ERCC4: variants seen among roughly 807,000 people sequenced by gnomAD.
The protein encoded by ERCC4 is ERCC excision repair 4, endonuclease catalytic subunit.
In ERCC4, 65 loss-of-function variants were observed where a neutral mutation model predicts 76.9. That is an observed-to-expected ratio of 0.84 (90% CI 0.69 to 1.04). The LOEUF (loss-of-function observed/expected upper bound fraction) is 1.04. ERCC4 is among the 50% of genes least tolerant of loss of function. The pLI is 0.00. For synonymous variants in ERCC4, 463 were observed against 410.1 expected, an observed-to-expected ratio of 1.13 and a Z score of -1.56; for missense variants, 1,214 against 1,128.2, an observed-to-expected ratio of 1.08 and a Z score of -1.09.
At position 13,920,233 on chromosome 16, in the gene ERCC4, T is replaced by G. The variant is rs1291749487; in HGVS notation, c.68T>G (p.Val23Gly). 1.2e-6 allele frequency: 2 copies of G among 1,607,818 alleles called. No individual in the cohort carries two copies. The highest frequency in any genetic ancestry group is 2.2e-5 in the South Asian group (2 of 91,080). ...APLLEYERQL[V>G]LELLDTDGLV... ...CTGCTGGAGTACGAGCGACAGCTGG[T>G]GCTGGAACTGCTCGACACTGACGGG... is the stretch of plus-strand genomic sequence containing the variant. The change falls in exon 1 of 11, where the codon GTG becomes GGG. Residue 23 changes from valine (V) to glycine (G), a missense_variant. By Grantham distance (109) the Val-to-Gly change is moderately radical. Transcript: ENST00000311895.
chr16:13,920,393 G>C (rs767064048), intron 1 of ERCC4, 21 bp downstream of exon 1: 1 of 1,544,040 alleles, frequency 6.5e-7, no homozygotes, highest in Non-Finnish European at 8.7e-7. Flanking sequence ...GCTGGCGCGG[G>C]AGTGAGGGGA....
At chr16:13,925,724 G>C (rs3136085) in intron 2 of ERCC4, among the ~76,000 whole-genome samples, 40,362 of 151,938 alleles carry the variant, frequency 0.27, 5,473 homozygotes, top group Middle Eastern at 0.35. Flanking sequence ...AGGTCTAAAA[G>C]ACAGACTCGT....
chr16:13,942,711 G>C (rs915683730), intron 9 of ERCC4, among the ~76,000 whole-genome samples: 5 of 152,192 alleles, frequency 3.3e-5, no homozygotes, highest in African/African-American at 1.2e-4. Context: ...ACACACTTTG[G>C]AACCGGAATC....
chr16:13,930,532 C>A, intron 4 of ERCC4, 178 bp from the exon 5 acceptor site: 1 of 584,040 alleles, frequency 1.7e-6, no homozygotes, highest in Non-Finnish European at 3.0e-6. Flanking sequence ...AATGTTCTAG[C>A]CACTTCCTTG....
chr16:13,946,284 A>G (rs886270990), intron 10 of ERCC4, among the ~76,000 whole-genome samples: 5 of 152,210 alleles, frequency 3.3e-5, no homozygotes, highest in African/African-American at 1.2e-4. Context: ...TCATTACATG[A>G]ACATCACAGA....
At chr16:13,937,690 T>C (rs981103554) in intron 8 of ERCC4, 76 bp from the exon 9 acceptor site, 11 of 905,268 alleles carry the variant, frequency 1.2e-5, no homozygotes, top group Non-Finnish European at 2.1e-5. Flanking sequence ...GGTTGCTGAT[T>C]TCACATGTTC....
chr16:13,930,854 C>T lies in ERCC4; in HGVS notation c.937C>T (p.Leu313=). The T allele has an allele frequency of 6.2e-7, 1 of 1,613,610 alleles. No individual in the cohort carries two copies. Among genetic ancestry groups the T allele is most frequent in the South Asian group, 1.1e-5 (1 of 91,076 alleles). Residue 313 remains leucine, a synonymous_variant, in exon 5 of 11, where the codon CTG becomes TTG. Transcript: ENST00000311895. ...CACATTTCTTAATCTTCTGGAATCTCTGAGAGCAACGGAAAAAGCTTTTGG... is the reference window on the plus strand; with the variant it reads ...CACATTTCTTAATCTTCTGGAATCTTTGAGAGCAACGGAAAAAGCTTTTGG... ...CVTFLNLLES[L]RATEKAFGQN...
In ERCC4 at chr16:13,922,040, A is replaced by G. The variant is rs141591400; in HGVS notation, c.217A>G (p.Ile73Val). The stretch of plus-strand genomic sequence containing the variant: ...GTTTGATTTGATTTAGGAGTATTTT[A>G]TCAATCAGCTGAAGATAGAAGGAGT... ...NTQPAEEEYF[I>V]NQLKIEGVEH... Residue 73 changes from isoleucine (I) to valine (V), a missense_variant, in exon 2 of 11, where the codon ATC (isoleucine) becomes GTC (valine). Transcript: ENST00000311895. 513 of 1,613,224 alleles carry G rather than the reference A, an allele frequency of 3.2e-4. No homozygotes were observed. Among genetic ancestry groups the G allele is most frequent in the Non-Finnish European group, 3.8e-4 (453 of 1,179,196 alleles).
In ERCC4 at chr16:13,948,365, C is replaced by T. The variant is rs2032567029; in HGVS notation, c.*18C>T. ...AAAAGTGAACAGTGATGGCTGTTTT[C>T]TTATCCCATGCCTGTACTTTTCAGC... On this transcript the variant is annotated 3_prime_UTR_variant, in exon 11 of 11. Transcript: ENST00000311895. 1 of 1,605,306 alleles carries T rather than the reference C, an allele frequency of 6.2e-7. No homozygotes were observed. The highest frequency in any genetic ancestry group is 8.5e-7 in the Non-Finnish European group (1 of 1,179,850).
At position 13,948,947 on chromosome 16, in the gene ERCC4, A is replaced by G. The variant is rs1233343527; in HGVS notation, c.*600A>G. On this transcript the variant is annotated 3_prime_UTR_variant, in exon 11 of 11. Coordinates refer to ENST00000311895, the MANE Select transcript of ERCC4 (RefSeq NM_005236.3). Reference sequence around the variant, plus strand: ...CACTGAGAAGAAACATCTCTTTGCCATTCCTGACCAGTTCTCTCTACCACA... The same window carrying G: ...CACTGAGAAGAAACATCTCTTTGCCGTTCCTGACCAGTTCTCTCTACCACA... 1 of 232,646 alleles carries G rather than the reference A, an allele frequency of 4.3e-6. No homozygotes were observed. The highest frequency in any genetic ancestry group is 8.5e-6 in the Non-Finnish European group (1 of 117,696). 14.4% of individuals were successfully genotyped at this position (232,646 alleles called of 1,614,324 possible). A position where few individuals can be genotyped will look rare whatever the true frequency, so the allele number is the denominator to read the frequency against.
chr16:13,930,235 G>A (rs765368204), intron 4 of ERCC4, among the ~76,000 whole-genome samples: 7 of 151,952 alleles, frequency 4.6e-5, no homozygotes, highest in East Asian at 1.9e-4. Context: ...GTAAGCCATC[G>A]TGCTTGTGTA....
At chr16:13,925,295 A>G (rs1022073761) in intron 2 of ERCC4, among the ~76,000 whole-genome samples, 1 of 152,156 alleles carries the variant, frequency 6.6e-6, no homozygotes, top group Non-Finnish European at 1.5e-5. Context: ...TTGGAAGTTC[A>G]TTTTTATTAT....
In ERCC4 at chr16:13,949,678, TAA is replaced by T. The variant is rs2032594275; in HGVS notation, c.*1332_*1333del. 4.3e-6 allele frequency: 1 copy of T among 232,712 alleles called. No homozygotes were observed. The highest frequency in any genetic ancestry group is 2.2e-5 in the African/African-American group (1 of 45,350). 14.4% of individuals were successfully genotyped at this position (232,712 alleles called of 1,614,324 possible). A position where few individuals can be genotyped will look rare whatever the true frequency, so the allele number is the denominator to read the frequency against. ...AAAAAAATCTCATTCTAAACCTGATTAAGTTGGCTTTTTACGTAAGTGTACAA... is the reference window on the plus strand; with the variant it reads ...AAAAAAATCTCATTCTAAACCTGATTGTTGGCTTTTTACGTAAGTGTACAA... On this transcript the variant is annotated 3_prime_UTR_variant, in exon 11 of 11. Coordinates refer to ENST00000311895, the MANE Select transcript of ERCC4 (RefSeq NM_005236.3).
At chr16:13,923,721 AGTG>A (rs1489007501) in intron 2 of ERCC4, among the ~76,000 whole-genome samples, 6,484 of 152,268 alleles carry the variant, frequency 0.043, 473 homozygotes, top group African/African-American at 0.15. Flanking sequence ...TTCTTAGTAT[AGTG>A]CCTGGTACAC....
In ERCC4 at chr16:13,947,983, C is replaced by G. The variant is rs1303709169; in HGVS notation, c.2387C>G (p.Pro796Arg). ...SKLTLLTLHF[P>R]RLRILWCPSP... ...CTCACTCTTCTTACACTTCACTTCC[C>G]CAGACTACGGATTCTCTGGTGCCCC... Residue 796 changes from proline (P) to arginine (R), a missense_variant, in exon 11 of 11, where the codon CCC (proline) becomes CGC (arginine). Transcript: ENST00000311895. 1.2e-6 allele frequency: 2 copies of G among 1,614,120 alleles called. No homozygotes were observed. Among genetic ancestry groups the G allele is most frequent in the Non-Finnish European group, 1.7e-6 (2 of 1,180,032 alleles).
At chr16:13,943,156 A>G (rs2032447886) in intron 9 of ERCC4, among the ~76,000 whole-genome samples, 1 of 152,230 alleles carries the variant, frequency 6.6e-6, no homozygotes, top group Admixed American at 6.5e-5. Flanking sequence ...GTTCTTTAGT[A>G]GTATCTTCTA....
intron 2 of ERCC4, among the ~76,000 whole-genome samples, chr16:13,926,016 T>C (rs2032065545): frequency 6.6e-6 from 1 of 152,228 alleles, no homozygotes; most frequent in Non-Finnish European, 1.5e-5. Flanking sequence ...GAATTGACTA[T>C]CTTCTGATTC....
At position 13,948,321 on chromosome 16, in the gene ERCC4, G is replaced by A. The variant is rs140726146; in HGVS notation, c.2725G>A (p.Val909Ile). The stretch of plus-strand genomic sequence containing the variant: ...CATTCACACCTCTTTTGCAGAAGTC[G>A]TATCAAAAGGAAAAGGGAAAAAGTG... ...DFIHTSFAEV[V>I]SKGKGKK The change falls in exon 11 of 11, where the codon GTA (valine) becomes ATA (isoleucine). Residue 909 changes from valine to isoleucine, a missense_variant. By Grantham distance (29) the Val-to-Ile change is conservative. Transcript: ENST00000311895. 2.4e-5 allele frequency: 39 copies of A among 1,612,452 alleles called. No individual in the cohort carries two copies. The highest frequency in any genetic ancestry group is 8.9e-5 in the East Asian group (4 of 44,854).
Position 13,948,374 on chromosome 16 carries a change from TGCCTGTACTTTTCA to T in ERCC4, c.*30_*43del. On this transcript the variant is annotated 3_prime_UTR_variant, in exon 11 of 11. Coordinates refer to ENST00000311895, the MANE Select transcript of ERCC4 (RefSeq NM_005236.3). ...CAGTGATGGCTGTTTTCTTATCCCA[TGCCTGTACTTTTCA>T]GCGGCTCCTTGCCAGACATCATAGG... is the stretch of plus-strand genomic sequence containing the variant. 1 of 1,603,822 alleles carries T rather than the reference TGCCTGTACTTTTCA, an allele frequency of 6.2e-7. No homozygotes were observed. The highest frequency in any genetic ancestry group is 1.1e-5 in the South Asian group (1 of 90,976).
Sources: allele counts gnomAD v4.1 joint callset (sites outside exome capture counted in the v4.1 genomes callset), GRCh38; gene constraint gnomAD v4.1.1; transcripts MANE v1.5; gene names NCBI Gene and HGNC (gene_info 2026-07-23, HGNC 2026-07-21).